LRRFIP2: variants seen among roughly 807,000 people sequenced by gnomAD.
LRRFIP2 encodes LRR binding FLII interacting protein 2.
LRRFIP2 carries 109 observed loss-of-function variants against 125.9 expected under a neutral mutation model. That is an observed-to-expected ratio of 0.87 (90% CI 0.74 to 1.01). The LOEUF (loss-of-function observed/expected upper bound fraction) is 1.01, where lower values mean the gene tolerates loss of function less well. LRRFIP2 is among the 50% of genes least tolerant of loss of function. The pLI is 0.00. For missense variants in LRRFIP2, 850 were observed against 862.3 expected (o/e 0.99, Z 0.18); for synonymous variants, 291 against 293.1 (o/e 0.99, Z 0.07).
intron 25 of LRRFIP2, among the ~76,000 whole-genome samples, chr3:37,056,492 C>T (rs1447246450): frequency 6.7e-6 from 1 of 150,242 alleles, no homozygotes; most frequent in African/African-American, 2.5e-5. Flanking sequence ...CTCGCTCTGT[C>T]GCCCAGGCTA....
chr3:37,118,789 G>A (rs140640758), intron 6 of LRRFIP2, among the ~76,000 whole-genome samples: 20 of 152,220 alleles, frequency 1.3e-4, no homozygotes, highest in African/African-American at 3.9e-4. Flanking sequence ...CAAATACTAC[G>A]TTCAAAAAGT....
chr3:37,058,883 CCT>C lies in LRRFIP2; in HGVS notation c.1775_1776del (p.Glu592GlyfsTer10). On this transcript the variant is annotated frameshift_variant, in exon 25 of 28. Transcript: ENST00000336686. LOFTEE classifies it high-confidence loss of function. ...SQIRKLKLQL[E>X]EERQKCSRND... Reference sequence around the variant, plus strand: ...TTCCTGGAGCATTTCTGTCGTTCCTCCTCTAACTGAAGCTTCAGTTTTCTAAT... The same window carrying C: ...TTCCTGGAGCATTTCTGTCGTTCCTCCTAACTGAAGCTTCAGTTTTCTAAT... 1 of 1,613,956 alleles carries C rather than the reference CCT, an allele frequency of 6.2e-7. No homozygotes were observed.
intron 2 of LRRFIP2, chr3:37,134,968 T>G: frequency 6.6e-7 from 1 of 1,507,922 alleles, no homozygotes; most frequent in Non-Finnish European, 9.2e-7. Context: ...CTAAAGTTCT[T>G]TTATCCATTT....
intron 2 of LRRFIP2, among the ~76,000 whole-genome samples, chr3:37,144,802 C>A (rs2095815053): frequency 6.6e-6 from 1 of 152,172 alleles, no homozygotes; most frequent in Non-Finnish European, 1.5e-5. Flanking sequence ...AACATAAAAC[C>A]TATGCAACTG....
At chr3:37,111,143 C>A in intron 8 of LRRFIP2, 78 bp from the exon 9 acceptor site, 1 of 1,083,668 alleles carries the variant, frequency 9.2e-7, no homozygotes. Context: ...CAAAACTGAA[C>A]ACAAAAAGGC....
intron 21 of LRRFIP2, 136 bp from the exon 22 acceptor site, chr3:37,066,461 AAC>A (rs2090174194): frequency 1.4e-6 from 1 of 704,150 alleles, no homozygotes; most frequent in Non-Finnish European, 2.6e-6. Context: ...ATTGGAAACA[AAC>A]AGTCAGATAT....
chr3:37,068,563 G>A (rs1289816889), intron 21 of LRRFIP2: 3 of 152,084 alleles, frequency 2.0e-5, no homozygotes, highest in Non-Finnish European at 4.4e-5. Context: ...ATTCAAGCTG[G>A]ATCTAAAACC....
chr3:37,148,802 T>G, intron 2 of LRRFIP2, 92 bp downstream of exon 2: 3 of 1,378,032 alleles, frequency 2.2e-6, no homozygotes, highest in Non-Finnish European at 3.0e-6. Flanking sequence ...CTGAAACTAG[T>G]TCAATGAGTA....
At chr3:37,083,536 G>A in intron 19 of LRRFIP2, 100 bp downstream of exon 19, 1 of 898,374 alleles carries the variant, frequency 1.1e-6, no homozygotes, top group Non-Finnish European at 1.6e-6. Context: ...AGTTTTGACT[G>A]AAACATCATT....
chr3:37,054,042 T>C (rs962522466), intron 27 of LRRFIP2, 81 bp from the exon 28 acceptor site: 12 of 862,490 alleles, frequency 1.4e-5, no homozygotes, highest in African/African-American at 3.3e-5. Flanking sequence ...TCCTGGGAAA[T>C]GAAAGCACTG....
chr3:37,170,749 C>T (rs1045929730), intron 1 of LRRFIP2: 1 of 152,184 alleles, frequency 6.6e-6, no homozygotes, highest in East Asian at 1.9e-4. Context: ...TGGCACAATC[C>T]TATGCTCTTT....
intron 4 of LRRFIP2, among the ~76,000 whole-genome samples, chr3:37,123,353 G>A (rs1157270589): frequency 2.6e-5 from 4 of 152,034 alleles, no homozygotes; most frequent in South Asian, 2.1e-4. Flanking sequence ...CACCACACCC[G>A]GCTACTTTTT....
rs776618376 is a variant in LRRFIP2, at chr3:37,127,670, T to C, written c.188A>G (p.His63Arg). 4 of 1,613,912 alleles carry C rather than the reference T, an allele frequency of 2.5e-6. No individual in the cohort carries two copies. The Admixed American group carries it at 6.7e-5, about 27-fold the overall frequency. Residue 63 changes from histidine to arginine, a missense_variant, in exon 4 of 28, where the codon CAT becomes CGT. By Grantham distance (29) the His-to-Arg change is conservative (BLOSUM62 0). Coordinates refer to ENST00000336686, the MANE Select transcript of LRRFIP2 (RefSeq NM_006309.4). The stretch of plus-strand genomic sequence containing the variant: ...CTGTCCCCACTTCCGATCAAAGGAA[T>C]GAAGAGAGTACTAGAAATGCAAAAA... Reference protein sequence around the residue: ...LERQQKEYSLHSFDRKWGQIQ... With the variant: ...LERQQKEYSLRSFDRKWGQIQ...
chr3:37,054,393 A>T lies in LRRFIP2; in HGVS notation c.2055+18T>A. 1 of 1,577,720 alleles carries T rather than the reference A, an allele frequency of 6.3e-7. No homozygotes were observed. Among genetic ancestry groups the T allele is most frequent in the African/African-American group, 1.3e-5 (1 of 74,156 alleles). On this transcript the variant is annotated intron_variant, in intron 27 of 27. Coordinates refer to ENST00000336686, the MANE Select transcript of LRRFIP2 (RefSeq NM_006309.4). ...TTTTTAGGAATGTATTCTCCAAGAA[A>T]CATATTAAAAGAAGTACCTCTCGTT...
At chr3:37,054,331 C>T (rs1250133381) in intron 27 of LRRFIP2, 80 bp downstream of exon 27, 12 of 1,214,798 alleles carry the variant, frequency 9.9e-6, no homozygotes, top group Non-Finnish European at 1.4e-5. Context: ...TATCAAATTT[C>T]TTACACAGCT....
At chr3:37,082,037 C>T (rs889429705) in intron 19 of LRRFIP2, among the ~76,000 whole-genome samples, 6 of 151,722 alleles carry the variant, frequency 4.0e-5, no homozygotes, top group Non-Finnish European at 8.8e-5. Flanking sequence ...TTTAAAAATG[C>T]TGAAGGATAT....
At chr3:37,100,773 A>G (rs879894789) in intron 15 of LRRFIP2, among the ~76,000 whole-genome samples, 23 of 152,154 alleles carry the variant, frequency 1.5e-4, no homozygotes, top group Non-Finnish European at 1.0e-4. Context: ...CTTATGGGGG[A>G]AAAACGGGGA....
intron 19 of LRRFIP2, among the ~76,000 whole-genome samples, chr3:37,082,785 G>C (rs2092744840): frequency 6.6e-6 from 1 of 152,078 alleles, no homozygotes; most frequent in African/African-American, 2.4e-5. Context: ...AGTCCTCAAG[G>C]AAAGAAATTC....
At chr3:37,152,208 A>G (rs997407004) in intron 1 of LRRFIP2, among the ~76,000 whole-genome samples, 49 of 152,342 alleles carry the variant, frequency 3.2e-4, no homozygotes, top group Middle Eastern at 6.8e-3. Flanking sequence ...GTGAAGTAAC[A>G]TATGATCTCA....
Sources: allele counts gnomAD v4.1 joint callset (sites outside exome capture counted in the v4.1 genomes callset), GRCh38; gene constraint gnomAD v4.1.1; transcripts MANE v1.5; gene names NCBI Gene and HGNC (gene_info 2026-07-23, HGNC 2026-07-21).